The following EFCAB13 variants were observed in gnomAD, a reference collection of about 807,000 sequenced individuals.
EFCAB13 encodes the protein EF-hand calcium-binding domain-containing protein 13.
A neutral mutation model predicts 110.2 loss-of-function variants in EFCAB13; 91 were observed. The observed-to-expected ratio is 0.83, with a 90% CI of 0.70 to 0.98. EFCAB13 has a LOEUF of 0.98. Among genes scored for constraint, EFCAB13 ranks in the 50% least tolerant of loss-of-function variants. The probability of loss-of-function intolerance (pLI) is 0.00; values close to 1 mark genes in which losing one functional copy is unlikely to be tolerated. For synonymous variants in EFCAB13, 323 were observed against 369.9 expected (o/e 0.87, Z 1.45); for missense variants, 968 against 1,119.4 (o/e 0.86, Z 1.93).
chr17:47,413,677 T>C (rs541078352), intron 22 of EFCAB13, among the ~76,000 whole-genome samples: 8 of 152,282 alleles, frequency 5.3e-5, no homozygotes, highest in African/African-American at 1.9e-4. Flanking sequence ...TGGTATAAAT[T>C]TAGACTTCAC....
chr17:47,351,586 A>C (rs1000185859), intron 9 of EFCAB13, among the ~76,000 whole-genome samples: 1 of 152,072 alleles, frequency 6.6e-6, no homozygotes, highest in Non-Finnish European at 1.5e-5. Flanking sequence ...TCTTCTTTTG[A>C]AAAATGTCTA....
At chr17:47,433,224 C>T (rs187461822) in intron 24 of EFCAB13, among the ~76,000 whole-genome samples, 196 of 152,198 alleles carry the variant, frequency 1.3e-3, no homozygotes, top group African/African-American at 4.3e-3. Context: ...TGGGGTTATG[C>T]GCTTTTGGGA....
chr17:47,402,341 T>C (rs1336294078), intron 18 of EFCAB13, 138 bp downstream of exon 18: 32 of 733,226 alleles, frequency 4.4e-5, no homozygotes, highest in Non-Finnish European at 7.1e-5. Flanking sequence ...CAGATGAAAC[T>C]TGGTTTTGAT....
In EFCAB13 at chr17:47,379,922, T is replaced by C. The variant is rs192728126; in HGVS notation, c.1582+669T>C. 4.6e-5 allele frequency among the ~76,000 whole-genome samples: 7 copies of C among 152,326 alleles called. No homozygotes were observed. The East Asian group carries it at 1.3e-3, about 29-fold the overall frequency. ...AAGGAAAGATTAGTCCAAAGCAAGA[T>C]TGCCTTTTATACTTAAATGAAGAGA... On this transcript the variant is annotated intron_variant, in intron 14 of 24. Transcript: ENST00000331493.
chr17:47,424,418 G>A (rs1411485858), intron 23 of EFCAB13, among the ~76,000 whole-genome samples: 2 of 152,220 alleles, frequency 1.3e-5, no homozygotes, highest in African/African-American at 4.8e-5. Context: ...TGTCAGCCCA[G>A]AAGGAGAACT....
intron 14 of EFCAB13, among the ~76,000 whole-genome samples, chr17:47,390,176 T>C (rs2065698305): frequency 6.6e-6 from 1 of 152,200 alleles, no homozygotes; most frequent in African/African-American, 2.4e-5. Context: ...TGTTCTAGAG[T>C]TTGTGTGTGT....
At chr17:47,433,933 T>C (rs1905164513) in intron 24 of EFCAB13, among the ~76,000 whole-genome samples, 1 of 152,136 alleles carries the variant, frequency 6.6e-6, no homozygotes, top group East Asian at 1.9e-4. Flanking sequence ...CAAAATGATA[T>C]AAAATCCTTT....
At chr17:47,391,819 T>A (rs1047978128) in intron 15 of EFCAB13, among the ~76,000 whole-genome samples, 1 of 151,780 alleles carries the variant, frequency 6.6e-6, no homozygotes, top group African/African-American at 2.4e-5. Context: ...ATTCTTTAAA[T>A]AATCTTTTCA....
chr17:47,331,500 C>T (rs371189701), intron 4 of EFCAB13, among the ~76,000 whole-genome samples: 1 of 152,044 alleles, frequency 6.6e-6, no homozygotes, highest in East Asian at 1.9e-4. Flanking sequence ...TGCCCCTATA[C>T]ATGCACAGCT....
At chr17:47,439,405 G>T (rs1905274596) in intron 24 of EFCAB13, among the ~76,000 whole-genome samples, 1 of 151,896 alleles carries the variant, frequency 6.6e-6, no homozygotes, top group Non-Finnish European at 1.5e-5. Context: ...TGGAACTCCT[G>T]ACCTTAAGTG....
At chr17:47,329,505 A>G (rs1364906726) in intron 4 of EFCAB13, among the ~76,000 whole-genome samples, 1 of 152,208 alleles carries the variant, frequency 6.6e-6, no homozygotes, top group African/African-American at 2.4e-5. Context: ...ATATATATAC[A>G]CATATATACA....
intron 5 of EFCAB13, chr17:47,339,773 TAAGA>T (rs1158688345): frequency 4.1e-5 from 6 of 147,666 alleles, no homozygotes; most frequent in Non-Finnish European, 6.0e-5. Flanking sequence ...AACCAAACAA[TAAGA>T]AAGAAGAATG....
intron 7 of EFCAB13, 120 bp downstream of exon 7, chr17:47,344,412 T>C (rs1485332114): frequency 8.9e-6 from 11 of 1,239,012 alleles, no homozygotes; most frequent in Non-Finnish European, 1.2e-5. Context: ...ATTATGCTGT[T>C]AGGATTGTGT....
intron 14 of EFCAB13, among the ~76,000 whole-genome samples, chr17:47,389,004 T>C (rs1344305440): frequency 6.6e-6 from 1 of 152,168 alleles, no homozygotes; most frequent in Non-Finnish European, 1.5e-5. Context: ...AGTAATGATG[T>C]CAAGCATATT....
chr17:47,337,251 G>A (rs1042296684), intron 5 of EFCAB13, among the ~76,000 whole-genome samples: 3 of 152,188 alleles, frequency 2.0e-5, no homozygotes, highest in Non-Finnish European at 4.4e-5. Flanking sequence ...TAGCACTGTG[G>A]GAAGCACATG....
chr17:47,360,075 G>A (rs977589872), intron 9 of EFCAB13, among the ~76,000 whole-genome samples: 8 of 151,852 alleles, frequency 5.3e-5, no homozygotes, highest in Admixed American at 1.3e-4. Context: ...GAATAGTGCC[G>A]CAATAAACAA....
rs1270583692 is a variant in EFCAB13, at chr17:47,324,542, T to G, written c.-248+19T>G. 1 of 152,172 alleles carries G rather than the reference T, an allele frequency of 6.6e-6. No homozygotes were observed. Among genetic ancestry groups the G allele is most frequent in the Non-Finnish European group, 1.5e-5 (1 of 68,044 alleles). The allele number at this position is 152,172 out of a possible 1,614,324, so 9.4% of individuals were successfully genotyped here. A position where few individuals can be genotyped will look rare whatever the true frequency, so the allele number is the denominator to read the frequency against. On this transcript the variant is annotated intron_variant, in intron 2 of 24. Transcript: ENST00000331493. ...GGTGGAGGTTCGTTCACTCGACGTT[T>G]GTTACACAAATATGAAAACAGGGTG...
chr17:47,328,431 A>T (rs749201063), intron 4 of EFCAB13, 48 bp downstream of exon 4: 1 of 1,467,612 alleles, frequency 6.8e-7, no homozygotes, highest in Non-Finnish European at 9.3e-7. Flanking sequence ...CTTCTTTTTA[A>T]AATTAGTTTA....
intron 5 of EFCAB13, among the ~76,000 whole-genome samples, chr17:47,338,013 T>C (rs1284802229): frequency 6.6e-6 from 1 of 152,198 alleles, no homozygotes; most frequent in Non-Finnish European, 1.5e-5. Context: ...GGCCTGATAA[T>C]TTAAAGAGGT....
Sources: allele counts gnomAD v4.1 joint callset (sites outside exome capture counted in the v4.1 genomes callset), GRCh38; gene constraint gnomAD v4.1.1; transcripts MANE v1.5; gene names NCBI Gene and HGNC (gene_info 2026-07-23, HGNC 2026-07-21).